ANKS1B: variants seen among roughly 807,000 people sequenced by gnomAD.
ANKS1B encodes ankyrin repeat and sterile alpha motif domain containing 1B.
In ANKS1B, 36 loss-of-function variants were observed where a neutral mutation model predicts 148.3. That is an observed-to-expected ratio of 0.24 (90% confidence interval 0.19 to 0.32). ANKS1B has a LOEUF of 0.32. Ranked by LOEUF, ANKS1B falls within the 10% of genes least tolerant of loss-of-function variation. The probability of loss-of-function intolerance (pLI) is 1.00; values close to 1 mark genes in which losing one functional copy is unlikely to be tolerated. For synonymous variants in ANKS1B, 542 were observed against 560.8 expected, an observed-to-expected ratio of 0.97 and a Z score of 0.47; for missense variants, 1,157 against 1,542.6, an observed-to-expected ratio of 0.75 and a Z score of 4.19.
At chr12:99,491,513 A>C (rs917287475) in intron 10 of ANKS1B, among the ~76,000 whole-genome samples, 1 of 151,988 alleles carries the variant, frequency 6.6e-6, no homozygotes, top group African/African-American at 2.4e-5. Context: ...TCCAATACTT[A>C]TTTATTCTGA....
rs1322156837 is a variant in ANKS1B, at chr12:98,801,438, A to G, written c.3142-313T>C. 6.6e-6 allele frequency among the ~76,000 whole-genome samples: 1 copy of G among 152,212 alleles called. No homozygotes were observed. The highest frequency in any genetic ancestry group is 1.5e-5 in the Non-Finnish European group (1 of 68,048). ...AATCACAATTTTCCATCACAACAGCAAAGGACACACAATCTTTAAAAGAAT... is the reference window on the plus strand; with the variant it reads ...AATCACAATTTTCCATCACAACAGCGAAGGACACACAATCTTTAAAAGAAT... On this transcript the variant is annotated intron_variant, in intron 20 of 26. Coordinates refer to ENST00000683438, the MANE Select transcript of ANKS1B (RefSeq NM_001352186.2). This position sits in a 1 kb window ranked among gnomAD's most constrained non-coding sequence, Gnocchi z 5.2.
intron 1 of ANKS1B, among the ~76,000 whole-genome samples, chr12:99,850,317 C>CTCTCTCTCTCTCTCTCTG (rs2087563884): frequency 6.6e-6 from 1 of 151,686 alleles, no homozygotes; most frequent in African/African-American, 2.4e-5. Flanking sequence ...CTCTCTCTCT[C>CTCTCTCTCTCTCTCTCTG]TCACCTACTC....
chr12:99,286,817 T>C (rs1021371187), intron 12 of ANKS1B, among the ~76,000 whole-genome samples: 1 of 152,182 alleles, frequency 6.6e-6, no homozygotes, highest in Non-Finnish European at 1.5e-5. Context: ...GAGAGACTTC[T>C]TCTGCATAGA....
intron 4 of ANKS1B, among the ~76,000 whole-genome samples, chr12:99,787,555 C>A (rs1462784393): frequency 6.6e-6 from 1 of 152,148 alleles, no homozygotes; most frequent in African/African-American, 2.4e-5. Flanking sequence ...AGATGAAGGA[C>A]AGAGCAAAAT....
intron 12 of ANKS1B, among the ~76,000 whole-genome samples, chr12:99,267,561 A>ATTCATTCATTCATT (rs1566772173): frequency 3.7e-4 from 56 of 151,622 alleles, no homozygotes; most frequent in African/African-American, 1.4e-3. Context: ...ATTTGGCTGT[A>ATTCATTCATTCATT]CATTCATTCA....
chr12:98,888,173 A>G (rs2099744483), intron 17 of ANKS1B, among the ~76,000 whole-genome samples: 1 of 152,230 alleles, frequency 6.6e-6, no homozygotes, highest in Admixed American at 6.5e-5. Flanking sequence ...AAAATAATAC[A>G]ATGACTTTTT....
At chr12:99,231,614 C>T (rs188741884) in intron 14 of ANKS1B, among the ~76,000 whole-genome samples, 57 of 151,708 alleles carry the variant, frequency 3.8e-4, no homozygotes, top group African/African-American at 1.3e-3. Context: ...TTTTAGCATC[C>T]TTTTTTTTAG....
chr12:98,796,022 A>C (rs2098945622), intron 22 of ANKS1B, among the ~76,000 whole-genome samples: 1 of 152,208 alleles, frequency 6.6e-6, no homozygotes. Context: ...AGTATATGTC[A>C]TTTTTAAGAT....
intron 1 of ANKS1B, among the ~76,000 whole-genome samples, chr12:99,907,037 T>A (rs1399145889): frequency 1.3e-5 from 2 of 152,222 alleles, no homozygotes; most frequent in Non-Finnish European, 2.9e-5. Flanking sequence ...TACAGTCAAG[T>A]ATCCAGGCAA....
chr12:99,609,722 A>G (rs2097884102), intron 9 of ANKS1B, among the ~76,000 whole-genome samples: 5 of 152,046 alleles, frequency 3.3e-5, no homozygotes, highest in Admixed American at 3.3e-4. Flanking sequence ...CGAGACAAAC[A>G]GGAAAGACAA....
At chr12:99,951,437 C>A (rs2095218862) in intron 1 of ANKS1B, among the ~76,000 whole-genome samples, 1 of 152,154 alleles carries the variant, frequency 6.6e-6, no homozygotes, top group Non-Finnish European at 1.5e-5. Flanking sequence ...AGACATAAAA[C>A]AATAGCCATT....
chr12:99,943,653 G>T (rs1199081122), intron 1 of ANKS1B, among the ~76,000 whole-genome samples: 1 of 151,998 alleles, frequency 6.6e-6, no homozygotes, highest in Non-Finnish European at 1.5e-5. Flanking sequence ...CATGAGAACA[G>T]TATGGGAAAG....
intron 14 of ANKS1B, among the ~76,000 whole-genome samples, chr12:99,188,138 G>GC (rs2080127278): frequency 6.6e-6 from 1 of 152,146 alleles, no homozygotes; most frequent in Non-Finnish European, 1.5e-5. Flanking sequence ...GCAACAAAAA[G>GC]AGCTAACTAT....
At chr12:99,293,851 A>T (rs2080424486) in intron 12 of ANKS1B, among the ~76,000 whole-genome samples, 1 of 152,244 alleles carries the variant, frequency 6.6e-6, no homozygotes, top group African/African-American at 2.4e-5. Context: ...ACTCTGATTT[A>T]AAAATGGGCA....
intron 24 of ANKS1B, among the ~76,000 whole-genome samples, chr12:98,774,245 T>G (rs572241980): frequency 4.3e-4 from 65 of 152,356 alleles, no homozygotes; most frequent in Non-Finnish European, 8.2e-4. Flanking sequence ...GAGCAGGTGC[T>G]GGGGTGGAAC....
intron 12 of ANKS1B, among the ~76,000 whole-genome samples, chr12:99,331,213 A>G: frequency 6.6e-6 from 1 of 151,946 alleles, no homozygotes; most frequent in East Asian, 1.9e-4. Flanking sequence ...ATGCTCATGG[A>G]TTCCTGGATT....
At chr12:99,848,576 C>T (rs1299467881) in intron 1 of ANKS1B, among the ~76,000 whole-genome samples, 1 of 152,066 alleles carries the variant, frequency 6.6e-6, no homozygotes, top group East Asian at 1.9e-4. Context: ...TATATAGTCC[C>T]TTGATTTATG....
At chr12:99,166,837 A>T (rs1255340550) in intron 14 of ANKS1B, among the ~76,000 whole-genome samples, 2 of 152,064 alleles carry the variant, frequency 1.3e-5, no homozygotes, top group Non-Finnish European at 2.9e-5. Context: ...AAAGTTGACA[A>T]AGGTATACTA....
chr12:98,866,609 C>T (rs904100626), intron 17 of ANKS1B, among the ~76,000 whole-genome samples: 7 of 152,232 alleles, frequency 4.6e-5, no homozygotes, highest in East Asian at 1.9e-4. Context: ...TCTAAATGCA[C>T]CAAGTTCCCT....
Sources: allele counts gnomAD v4.1 joint callset (sites outside exome capture counted in the v4.1 genomes callset), GRCh38; gene constraint gnomAD v4.1.1; non-coding constraint Gnocchi (gnomAD v3.1); transcripts MANE v1.5; gene names NCBI Gene and HGNC (gene_info 2026-07-23, HGNC 2026-07-21).